The following EYS variants were observed in gnomAD, a reference collection of about 807,000 sequenced individuals.
The protein encoded by EYS is protein eyes shut homolog.
A neutral mutation model predicts 282.1 loss-of-function variants in EYS; 250 were observed. The observed-to-expected ratio is 0.89, with a 90% CI of 0.80 to 0.98. EYS has a LOEUF of 0.98. EYS is among the 50% of genes least tolerant of loss of function. The pLI, the probability that EYS is intolerant of heterozygous loss-of-function variation, is 0.00. For missense variants in EYS, 4,016 were observed against 3,709.0 expected (o/e 1.08, Z -2.15); for synonymous variants, 1,355 against 1,282.9 (o/e 1.06, Z -1.20).
intron 22 of EYS, among the ~76,000 whole-genome samples, chr6:64,734,245 G>A (rs1052628118): frequency 6.6e-6 from 1 of 151,852 alleles, no homozygotes; most frequent in South Asian, 2.1e-4. Context: ...AAGCGAATAA[G>A]CACTTTGTAA....
intron 22 of EYS, among the ~76,000 whole-genome samples, chr6:64,656,924 G>A (rs1768771576): frequency 6.6e-6 from 1 of 152,186 alleles, no homozygotes; most frequent in Admixed American, 6.5e-5. Flanking sequence ...CAGCATGACA[G>A]AGTGAGCTAA....
chr6:64,302,615 AT>A (rs148588132), intron 30 of EYS, among the ~76,000 whole-genome samples: 5,727 of 152,250 alleles, frequency 0.038, 165 homozygotes, highest in Non-Finnish European at 0.054. Flanking sequence ...CCAACATTCC[AT>A]AAGCATCTCA....
intron 7 of EYS, among the ~76,000 whole-genome samples, chr6:65,386,369 A>C (rs1765804395): frequency 6.6e-6 from 1 of 151,684 alleles, no homozygotes; most frequent in South Asian, 2.1e-4. Context: ...AAGTTTACCT[A>C]TGTAAGAAAC....
At chr6:64,005,449 C>A (rs1211967423) in intron 33 of EYS, among the ~76,000 whole-genome samples, 2 of 152,074 alleles carry the variant, frequency 1.3e-5, no homozygotes, top group African/African-American at 4.8e-5. Context: ...GTTTCCTTTG[C>A]TTTGCAGAAG....
chr6:65,469,924 A>G (rs1202276061), intron 5 of EYS, among the ~76,000 whole-genome samples: 2 of 152,184 alleles, frequency 1.3e-5, no homozygotes, highest in Non-Finnish European at 2.9e-5. Flanking sequence ...AATCATATCA[A>G]AGAAAAATGC....
At chr6:63,770,509 A>G (rs1488551296) in intron 40 of EYS, among the ~76,000 whole-genome samples, 1 of 152,152 alleles carries the variant, frequency 6.6e-6, no homozygotes, top group Non-Finnish European at 1.5e-5. Context: ...TAATAAACGC[A>G]TGTAATTTAG....
rs759172997 is a variant in EYS, at chr6:64,902,498, A to G, written c.2644T>C (p.Phe882Leu). Residue 882 changes from phenylalanine (F) to leucine (L), a missense_variant and splice_region_variant, in exon 17 of 43, where the codon TTT (phenylalanine) becomes CTT (leucine). Physicochemically the swap from Phe to Leu is conservative, Grantham distance 22. Coordinates refer to ENST00000503581, the MANE Select transcript of EYS (RefSeq NM_001142800.2). ...TCAATTTCACAGTTTTTACCTTCAA[A>G]TTCTGCAAAGAGTATGAGATGAGTA... ...ANQHCICREEFEGKNCEIDVK... is the reference protein window; with the variant it reads ...ANQHCICREELEGKNCEIDVK... 29 of 1,526,782 alleles carry G rather than the reference A, an allele frequency of 1.9e-5. No homozygotes were observed. The East Asian group carries it at 6.4e-4, about 34-fold the overall frequency. 94.6% of individuals were successfully genotyped at this position (1,526,782 alleles called of 1,614,324 possible). A position where few individuals can be genotyped will look rare whatever the true frequency, so the allele number is the denominator to read the frequency against.
chr6:65,666,236 T>G (rs976413789), intron 1 of EYS, among the ~76,000 whole-genome samples: 4 of 151,866 alleles, frequency 2.6e-5, no homozygotes, highest in Non-Finnish European at 5.9e-5. Context: ...AGCTATATAA[T>G]AGGTTGTCAA....
At chr6:65,395,301 G>T (rs1766239310) in intron 7 of EYS, among the ~76,000 whole-genome samples, 1 of 152,176 alleles carries the variant, frequency 6.6e-6, no homozygotes. Context: ...AACCTCAGGT[G>T]ATCCTCCCGT....
At chr6:64,151,311 G>T (rs1488861825) in intron 31 of EYS, among the ~76,000 whole-genome samples, 3 of 87,170 alleles carry the variant, frequency 3.4e-5, no homozygotes, top group African/African-American at 1.1e-4. Context: ...GTGTGTGTGT[G>T]TATATTTATA....
At chr6:65,306,515 C>A (rs1326151565) in intron 11 of EYS, among the ~76,000 whole-genome samples, 2 of 152,022 alleles carry the variant, frequency 1.3e-5, no homozygotes, top group African/African-American at 4.8e-5. Flanking sequence ...GATTCCAGGT[C>A]CCTTTTGTAG....
At chr6:64,455,346 A>G (rs1775518858) in intron 26 of EYS, among the ~76,000 whole-genome samples, 1 of 152,138 alleles carries the variant, frequency 6.6e-6, no homozygotes, top group South Asian at 2.1e-4. Flanking sequence ...TGAAATAATG[A>G]CAATAAGATT....
chr6:64,650,518 G>A (rs1022117684), intron 22 of EYS, among the ~76,000 whole-genome samples: 2 of 151,980 alleles, frequency 1.3e-5, no homozygotes, highest in Non-Finnish European at 2.9e-5. Context: ...AGATTCATAG[G>A]AGAATTTAAC....
intron 26 of EYS, among the ~76,000 whole-genome samples, chr6:64,542,001 T>C (rs1007340434): frequency 1.3e-5 from 2 of 152,184 alleles, no homozygotes; most frequent in Non-Finnish European, 2.9e-5. Flanking sequence ...CACACCATTT[T>C]AAAAAGTGTC....
intron 5 of EYS, among the ~76,000 whole-genome samples, chr6:65,465,033 T>C (rs978726441): frequency 6.6e-6 from 1 of 152,188 alleles, no homozygotes; most frequent in Non-Finnish European, 1.5e-5. Context: ...AGAACCATTG[T>C]TCTGAATACT....
intron 33 of EYS, among the ~76,000 whole-genome samples, chr6:64,057,476 A>G (rs990036396): frequency 2.0e-5 from 3 of 151,850 alleles, no homozygotes; most frequent in Non-Finnish European, 4.4e-5. Flanking sequence ...AACAATTTCA[A>G]TTTTTCAAAA....
At chr6:65,564,904 C>A (rs1769214504) in intron 2 of EYS, among the ~76,000 whole-genome samples, 1 of 150,306 alleles carries the variant, frequency 6.7e-6, no homozygotes, top group Admixed American at 6.7e-5. Context: ...TATCCAGAAT[C>A]TACAAGGAAC....
intron 22 of EYS, among the ~76,000 whole-genome samples, chr6:64,723,753 C>A (rs1031244414): frequency 9.2e-5 from 14 of 152,296 alleles, no homozygotes; most frequent in Admixed American, 5.2e-4. Context: ...GCTTGCCATT[C>A]CCTCATTAGT....
intron 15 of EYS, among the ~76,000 whole-genome samples, chr6:64,916,197 T>A (rs2150078784): frequency 6.6e-6 from 1 of 152,354 alleles, no homozygotes; most frequent in South Asian, 2.1e-4. Context: ...TATGTTTTTC[T>A]CTTTATTGTA....
Sources: allele counts gnomAD v4.1 joint callset (sites outside exome capture counted in the v4.1 genomes callset), GRCh38; gene constraint gnomAD v4.1.1; transcripts MANE v1.5; gene names NCBI Gene and HGNC (gene_info 2026-07-23, HGNC 2026-07-21).